Variants in VPS33A observed in about 807,000 individuals in gnomAD.
VPS33A encodes vacuolar protein sorting-associated protein 33A.
VPS33A carries 32 observed loss-of-function variants against 71.8 expected under a neutral mutation model. The ratio of observed to expected loss-of-function variants is 0.45; its 90% CI spans 0.34 to 0.60. VPS33A has a LOEUF of 0.60. Among genes scored for constraint, VPS33A ranks in the 20% least tolerant of loss-of-function variants. The probability of loss-of-function intolerance (pLI) is 0.02; values close to 1 mark genes in which losing one functional copy is unlikely to be tolerated. For missense variants in VPS33A, 625 were observed against 748.5 expected, an observed-to-expected ratio of 0.84 and a Z score of 1.92; for synonymous variants, 311 against 292.7, an observed-to-expected ratio of 1.06 and a Z score of -0.64.
Position 122,235,888 on chromosome 12 carries a change from G to A in VPS33A, c.1338C>T (p.Asn446=). Residue 446 remains asparagine (N), a synonymous_variant, in exon 11 of 13, where the codon AAC becomes AAT. Coordinates refer to ENST00000267199, the MANE Select transcript of VPS33A (RefSeq NM_022916.6). ...YGYEHILTLH[N]LEKAGLLKPQ... ...GTTTCAGCAGGCCGGCCTTCTCCAGGTTGTGTAAGGTCAATATGTGCTCAT... is the reference window on the plus strand; with the variant it reads ...GTTTCAGCAGGCCGGCCTTCTCCAGATTGTGTAAGGTCAATATGTGCTCAT... 6.2e-7 allele frequency: 1 copy of A among 1,613,736 alleles called. No individual in the cohort carries two copies. The highest frequency in any genetic ancestry group is 8.5e-7 in the Non-Finnish European group (1 of 1,179,852).
chr12:122,266,400 A>T lies in VPS33A; in HGVS notation c.9T>A (p.Ala3=). ...GGTTCACTCGGCCGTAGGACAGATG[A>T]GCCGCCATCTTGCTCCACCACCCCC... MA[A]HLSYGRVNLN... Residue 3 remains alanine, a synonymous_variant, in exon 1 of 13, where the codon GCT becomes GCA. Transcript: ENST00000267199. 6.2e-7 allele frequency: 1 copy of T among 1,610,586 alleles called. No homozygotes were observed.
chr12:122,233,061 T>A, intron 11 of VPS33A, 93 bp from the exon 12 acceptor site: 1 of 1,366,860 alleles, frequency 7.3e-7, no homozygotes, highest in Non-Finnish European at 9.7e-7. Flanking sequence ...TTATTTGATT[T>A]GGATTTAAAG....
At chr12:122,248,479 C>G (rs181253037) in intron 6 of VPS33A, 1 of 152,314 alleles carries the variant, frequency 6.6e-6, no homozygotes, top group East Asian at 1.9e-4. Context: ...CTAAAGCTGA[C>G]AGAAATAAAT....
chr12:122,237,220 G>A (rs1221843464), intron 10 of VPS33A, among the ~76,000 whole-genome samples: 1 of 152,164 alleles, frequency 6.6e-6, no homozygotes, highest in Non-Finnish European at 1.5e-5. Context: ...CTTAATTTAA[G>A]TAAACCTGCT....
intron 10 of VPS33A, among the ~76,000 whole-genome samples, chr12:122,237,591 C>T (rs1011913545): frequency 5.0e-5 from 7 of 139,082 alleles, no homozygotes; most frequent in Admixed American, 7.5e-5. Flanking sequence ...GGCCGGACTG[C>T]GGACTGCAGT....
Position 122,250,033 on chromosome 12 carries a change from T to G in VPS33A, c.613A>C (p.Met205Leu), listed in dbSNP as rs1255033933. The G allele has an allele frequency of 5.0e-6, 8 of 1,608,612 alleles. 1 individual carries two copies. The highest frequency in any genetic ancestry group is 3.3e-5 in the South Asian group (3 of 90,044). The change falls in exon 6 of 13, where the codon ATG becomes CTG. Residue 205 changes from methionine (M) to leucine (L), a missense_variant. Coordinates refer to ENST00000267199, the MANE Select transcript of VPS33A (RefSeq NM_022916.6). The part of the protein sequence containing the change: ...KGECARQVAN[M>L]MIRMKREFTG... ...AACTCTCTCTTCATCCTGATCATCA[T>G]ATTGGCCACTTGCTGGAAACAAAAC...
chr12:122,245,329 C>T (rs573783190), intron 6 of VPS33A, among the ~76,000 whole-genome samples: 1 of 152,040 alleles, frequency 6.6e-6, no homozygotes, highest in Admixed American at 6.5e-5. Flanking sequence ...TATATACTGG[C>T]TCATGATATA....
At chr12:122,261,926 C>T (rs1041375452) in intron 3 of VPS33A, among the ~76,000 whole-genome samples, 27 of 152,244 alleles carry the variant, frequency 1.8e-4, no homozygotes, top group Non-Finnish European at 2.8e-4. Context: ...CGCTTGAAAC[C>T]GGGAGGCAGA....
At chr12:122,246,286 C>T (rs1356243167) in intron 6 of VPS33A, among the ~76,000 whole-genome samples, 11 of 142,812 alleles carry the variant, frequency 7.7e-5, no homozygotes, top group African/African-American at 3.0e-4. Context: ...CTCTCTCTCT[C>T]TTATTTTATT....
chr12:122,248,731 G>T, intron 6 of VPS33A: 1 of 152,348 alleles, frequency 6.6e-6, no homozygotes, highest in Non-Finnish European at 1.5e-5. Flanking sequence ...AACTCTCCAC[G>T]TCTTTCCAAC....
rs368212510 is a variant in VPS33A, at chr12:122,266,452, C to A, written c.-44G>T. The A allele has an allele frequency of 2.0e-5, 32 of 1,585,878 alleles. No homozygotes were observed. Among genetic ancestry groups the A allele is most frequent in the Non-Finnish European group, 2.7e-5 (31 of 1,160,086 alleles). ...GCCCCACAACGCCAACCGAGTCCGC[C>A]GGTTCCTACGGGAGGACCACGGACG... On this transcript the variant is annotated 5_prime_UTR_variant, in exon 1 of 13. Transcript: ENST00000267199.
At chr12:122,254,907 C>A (rs1954895828) in intron 4 of VPS33A, among the ~76,000 whole-genome samples, 1 of 151,952 alleles carries the variant, frequency 6.6e-6, no homozygotes, top group African/African-American at 2.4e-5. Context: ...AAAAAATTAG[C>A]CAGTGTGGTG....
Position 122,231,189 on chromosome 12 carries a change from A to T in VPS33A, c.*1057T>A, listed in dbSNP as rs1444760422. ...TCTGGAGTTAACGTGTGTGCTAAGAAACTGTCTTTGAATTACTTCAAAGGC... is the reference window on the plus strand; with the variant it reads ...TCTGGAGTTAACGTGTGTGCTAAGATACTGTCTTTGAATTACTTCAAAGGC... On this transcript the variant is annotated 3_prime_UTR_variant, in exon 13 of 13. Coordinates refer to ENST00000267199, the MANE Select transcript of VPS33A (RefSeq NM_022916.6). The T allele has an allele frequency of 6.6e-6, 1 of 152,224 alleles. No homozygotes were observed. The highest frequency in any genetic ancestry group is 1.5e-5 in the Non-Finnish European group (1 of 68,034). 9.4% of individuals were successfully genotyped at this position (152,224 alleles called of 1,614,324 possible).
intron 4 of VPS33A, among the ~76,000 whole-genome samples, chr12:122,260,082 C>G (rs1448179681): frequency 6.6e-6 from 1 of 151,942 alleles, no homozygotes; most frequent in Non-Finnish European, 1.5e-5. Flanking sequence ...TAAGCGAATT[C>G]ATACAGACTG....
At chr12:122,249,234 C>T (rs985130947) in intron 6 of VPS33A, 1 of 151,076 alleles carries the variant, frequency 6.6e-6, no homozygotes, top group African/African-American at 2.4e-5. Flanking sequence ...CAAATATTTT[C>T]TTTTTTTTTG....
chr12:122,238,166 G>A (rs1046147432), intron 10 of VPS33A, among the ~76,000 whole-genome samples: 3 of 151,990 alleles, frequency 2.0e-5, no homozygotes, highest in South Asian at 4.1e-4. Context: ...TACAACAGTC[G>A]TTACAAGATA....
rs1379629739 is a variant in VPS33A, at chr12:122,257,578, CAGG to C, written c.483+3680_483+3682del. Reference sequence around the variant, plus strand: ...ATCCTAGTTACTTGGGAGGCTGAGGCAGGAGAACTGCTTGAACCTGGGAGGTGA... The same window carrying C: ...ATCCTAGTTACTTGGGAGGCTGAGGCAGAACTGCTTGAACCTGGGAGGTGA... On this transcript the variant is annotated intron_variant, in intron 4 of 12. Coordinates refer to ENST00000267199, the MANE Select transcript of VPS33A (RefSeq NM_022916.6). 6.6e-5 allele frequency among the ~76,000 whole-genome samples: 10 copies of C among 151,744 alleles called. No homozygotes were observed. In the East Asian group the frequency reaches 1.9e-3, roughly 29 times the overall value.
chr12:122,261,533 T>G, intron 3 of VPS33A, 86 bp from the exon 4 acceptor site: 4 of 1,206,678 alleles, frequency 3.3e-6, no homozygotes, highest in Non-Finnish European at 4.8e-6. Flanking sequence ...GCCTGGCACA[T>G]AGCAGGCACT....
intron 3 of VPS33A, among the ~76,000 whole-genome samples, chr12:122,261,714 C>T (rs1954998099): frequency 6.6e-6 from 1 of 151,594 alleles, no homozygotes; most frequent in African/African-American, 2.4e-5. Flanking sequence ...ATAAAATATA[C>T]AAAAATGGCT....
Sources: allele counts gnomAD v4.1 joint callset (sites outside exome capture counted in the v4.1 genomes callset), GRCh38; gene constraint gnomAD v4.1.1; transcripts MANE v1.5; gene names NCBI Gene and HGNC (gene_info 2026-07-23, HGNC 2026-07-21).